The following DNAH7 variants were observed in gnomAD, a reference collection of about 807,000 sequenced individuals.
The protein encoded by DNAH7 is dynein axonemal heavy chain 7.
A neutral mutation model predicts 444.6 loss-of-function variants in DNAH7; 397 were observed. The observed-to-expected ratio is 0.89, with a 90% CI of 0.82 to 0.97. DNAH7 has a LOEUF of 0.97. Ranked by LOEUF, DNAH7 falls within the 50% of genes least tolerant of loss-of-function variation. DNAH7 has a pLI of 0.00. For synonymous variants in DNAH7, 1,636 were observed against 1,624.4 expected, an observed-to-expected ratio of 1.01 and a Z score of -0.17; for missense variants, 4,902 against 4,800.8, an observed-to-expected ratio of 1.02 and a Z score of -0.62.
At position 195,934,663 on chromosome 2, in the gene DNAH7, T is replaced by C. The variant is rs773543129; in HGVS notation, c.3399A>G (p.Thr1133=). Reference sequence around the variant, plus strand: ...TCTCCACTTGACCTCTGGCTTTGGCTGTTGAAATAATCTCTATGAGTTCTA... The same window carrying C: ...TCTCCACTTGACCTCTGGCTTTGGCCGTTGAAATAATCTCTATGAGTTCTA... ...EVVELIEIIS[T]AKARGQVEKW... The change falls in exon 21 of 65, where the codon ACA becomes ACG. Residue 1133 remains threonine (T), a synonymous_variant. Transcript: ENST00000312428. 1.2e-6 allele frequency: 2 copies of C among 1,614,036 alleles called. No individual in the cohort carries two copies. Among genetic ancestry groups the C allele is most frequent in the African/African-American group, 2.7e-5 (2 of 74,944 alleles).
chr2:195,919,037 T>G (rs1048630237), intron 24 of DNAH7, among the ~76,000 whole-genome samples: 1 of 151,962 alleles, frequency 6.6e-6, no homozygotes, highest in South Asian at 2.1e-4. Context: ...GATCACGAGG[T>G]CAGGAGATCA....
intron 16 of DNAH7, among the ~76,000 whole-genome samples, chr2:195,971,170 C>T (rs550909493): frequency 6.6e-6 from 1 of 152,220 alleles, no homozygotes; most frequent in African/African-American, 2.4e-5. Context: ...ATTATATTTG[C>T]TATAATGTAA....
intron 15 of DNAH7, among the ~76,000 whole-genome samples, chr2:195,976,366 A>G (rs1185063934): frequency 6.6e-6 from 1 of 152,112 alleles, no homozygotes; most frequent in Admixed American, 6.5e-5. Context: ...GAAGAGTGGG[A>G]AGGACTTTGT....
At chr2:195,864,118 A>G (rs1267374357) in intron 41 of DNAH7, 31 bp downstream of exon 41, 1 of 1,591,592 alleles carries the variant, frequency 6.3e-7, no homozygotes, top group South Asian at 1.1e-5. Context: ...CAACATTTCT[A>G]GAAGTCTATC....
At chr2:195,957,518 C>T (rs1690756401) in intron 18 of DNAH7, 71 bp from the exon 19 acceptor site, 1 of 1,280,500 alleles carries the variant, frequency 7.8e-7, no homozygotes, top group South Asian at 1.9e-5. Flanking sequence ...AAAATTCAAA[C>T]CACAACTAGG....
chr2:195,997,793 T>C (rs140533733), intron 12 of DNAH7, among the ~76,000 whole-genome samples: 1 of 152,312 alleles, frequency 6.6e-6, no homozygotes, highest in Non-Finnish European at 1.5e-5. Context: ...TCATGTTCAA[T>C]TATCCTATTC....
intron 30 of DNAH7, chr2:195,894,109 G>C (rs755060216): frequency 2.0e-5 from 3 of 152,078 alleles, no homozygotes. Flanking sequence ...TAGCGTATCA[G>C]TTTGTATAAT....
intron 32 of DNAH7, 81 bp from the exon 33 acceptor site, chr2:195,888,515 C>T (rs1013778616): frequency 7.2e-7 from 1 of 1,388,390 alleles, no homozygotes; most frequent in Non-Finnish European, 9.6e-7. Context: ...TTTTTTATAA[C>T]CTTCAGCAAA....
At chr2:196,019,912 C>T (rs1191218245) in intron 8 of DNAH7, among the ~76,000 whole-genome samples, 1 of 152,024 alleles carries the variant, frequency 6.6e-6, no homozygotes, top group Admixed American at 6.6e-5. Context: ...ACCCACTCCC[C>T]GCACAGCAAG....
At position 195,957,395 on chromosome 2, in the gene DNAH7, T is replaced by C. The variant is rs1228242497; in HGVS notation, c.2944A>G (p.Lys982Glu). Residue 982 changes from lysine (K) to glutamate (E), a missense_variant, in exon 19 of 65, where the codon AAA becomes GAA. Transcript: ENST00000312428. ...LLQEILDEWL[K>E]VQATWLYLEP... The stretch of plus-strand genomic sequence containing the variant: ...AGATACAGCCACGTGGCTTGGACTT[T>C]GAGCCATTCATCCAGAATCTCCTGA... 4 of 1,599,024 alleles carry C rather than the reference T, an allele frequency of 2.5e-6. No individual in the cohort carries two copies. The highest frequency in any genetic ancestry group is 2.3e-5 in the East Asian group (1 of 44,440).
chr2:195,827,331 A>C (rs925160520), intron 48 of DNAH7, among the ~76,000 whole-genome samples: 6 of 152,146 alleles, frequency 3.9e-5, no homozygotes, highest in South Asian at 2.1e-4. Context: ...GCTGGAGTGC[A>C]GTGTGGCACA....
intron 5 of DNAH7, 105 bp from the exon 6 acceptor site, chr2:196,028,152 A>G (rs1302045560): frequency 2.2e-6 from 2 of 889,516 alleles, no homozygotes; most frequent in East Asian, 2.7e-5. Context: ...AATCATAAGG[A>G]AAAATGAATT....
Position 196,019,170 on chromosome 2 carries a change from TTA to T in DNAH7, c.867_868del (p.Phe289LeufsTer7). ...CCTCTATAAGGCCACATATACTCACTTAAAATTAGTGTGCCACAAATCTAGTA... is the reference window on the plus strand; with the variant it reads ...CCTCTATAAGGCCACATATACTCACTAAATTAGTGTGCCACAAATCTAGTA... On this transcript the variant is annotated frameshift_variant and splice_region_variant, in exon 9 of 65. Transcript: ENST00000312428. LOFTEE classifies it high-confidence loss of function. 1 of 1,476,350 alleles carries T rather than the reference TTA, an allele frequency of 6.8e-7. No individual in the cohort carries two copies. The allele number at this position is 1,476,350 out of a possible 1,614,324, so 91.5% of individuals were successfully genotyped here. A position where few individuals can be genotyped will look rare whatever the true frequency, so the allele number is the denominator to read the frequency against.
intron 23 of DNAH7, 147 bp downstream of exon 23, chr2:195,923,448 T>C: frequency 1.5e-6 from 1 of 685,672 alleles, no homozygotes; most frequent in Admixed American, 2.8e-5. Flanking sequence ...TAATCTTCAA[T>C]ATAAAGAAAT....
rs16844476 is a variant in DNAH7 at position 196,066,694 on chromosome 2, C to G, written c.15+2003G>C. On this transcript the variant is annotated intron_variant, in intron 1 of 64. Coordinates refer to ENST00000312428, the MANE Select transcript of DNAH7 (RefSeq NM_018897.3). Reference sequence around the variant, plus strand: ...AAGAGAAAAGCCCAGACTGCTATTCCTGAAAAATTCCATGTCACTCTCAAC... The same window carrying G: ...AAGAGAAAAGCCCAGACTGCTATTCGTGAAAAATTCCATGTCACTCTCAAC... 0.02 allele frequency among the ~76,000 whole-genome samples: 2,978 copies of G among 152,298 alleles called. 249 individuals carry two copies. The East Asian group carries it at 0.27, about 14-fold the overall frequency.
At position 196,005,307 on chromosome 2, in the gene DNAH7, AATAT is replaced by A. The variant is rs370849889; in HGVS notation, c.990-3453_990-3450del. Reference sequence around the variant, plus strand: ...ACAAACAAACAAACAAACAAACAAAAATATATATATATATATAACTAAACTCAAA... The same window carrying A: ...ACAAACAAACAAACAAACAAACAAAAATATATATATATAACTAAACTCAAA... On this transcript the variant is annotated intron_variant, in intron 10 of 64. Coordinates refer to ENST00000312428, the MANE Select transcript of DNAH7 (RefSeq NM_018897.3). Among the ~76,000 whole-genome samples, 308 of 148,132 alleles carry A rather than the reference AATAT, an allele frequency of 2.1e-3. 1 individual carries two copies. Among genetic ancestry groups the A allele is most frequent in the African/African-American group, 7.2e-3 (288 of 40,040 alleles).
intron 19 of DNAH7, among the ~76,000 whole-genome samples, chr2:195,944,702 G>A (rs1195228374): frequency 6.6e-6 from 1 of 152,110 alleles, no homozygotes; most frequent in Non-Finnish European, 1.5e-5. Flanking sequence ...TATTGAATCA[G>A]ATTCTATAAC....
chr2:195,747,162 G>C (rs1205404021), intron 63 of DNAH7, among the ~76,000 whole-genome samples: 6 of 151,664 alleles, frequency 4.0e-5, no homozygotes, highest in Non-Finnish European at 8.8e-5. Flanking sequence ...AATGATAAAG[G>C]GGATATCACC....
At chr2:195,838,865 G>A (rs755480214) in intron 47 of DNAH7, among the ~76,000 whole-genome samples, 2 of 151,664 alleles carry the variant, frequency 1.3e-5, no homozygotes. Context: ...ACAACAAAAG[G>A]GTCAATTCAT....
Sources: gnomAD v4.1 joint callset for allele counts (sites outside exome capture counted in the v4.1 genomes callset) on GRCh38, gnomAD v4.1.1 for gene constraint, MANE v1.5 for transcripts, NCBI Gene and HGNC (gene_info 2026-07-23, HGNC 2026-07-21) for gene names.